Variants in XPO1 observed in about 807,000 individuals in gnomAD.
XPO1 encodes the protein exportin 1.
A neutral mutation model predicts 133.3 loss-of-function variants in XPO1; 5 were observed. That is an observed-to-expected ratio of 0.04 (90% confidence interval 0.02 to 0.08). The LOEUF (loss-of-function observed/expected upper bound fraction) is 0.08. XPO1 is among the 10% of genes least tolerant of loss of function. The pLI is 1.00. For synonymous variants in XPO1, 419 were observed against 408.2 expected (o/e 1.03, Z -0.32); for missense variants, 506 against 1,267.5 (o/e 0.40, Z 9.12).
At position 61,488,775 on chromosome 2, in the gene XPO1, G is replaced by A. The variant is rs1268620006; in HGVS notation, c.2023-4C>T. The A allele has an allele frequency of 2.5e-6, 4 of 1,609,822 alleles. No homozygotes were observed. In the East Asian group the frequency reaches 8.9e-5, roughly 36 times the overall value. ...GATCTTTCAGTATATCCACATTCTT[G>A]GAGGAAAAAAAGCAAATTCCATTTA... On this transcript the variant is annotated splice_polypyrimidine_tract_variant and splice_region_variant and intron_variant, in intron 17 of 24. Transcript: ENST00000401558.
chr2:61,525,868 G>C, intron 3 of XPO1: 1 of 1,046,006 alleles, frequency 9.6e-7, no homozygotes, highest in Non-Finnish European at 1.2e-6. Flanking sequence ...CTTTAAGGCA[G>C]TTTAAAGAGA....
At chr2:61,506,543 G>A (rs1325750845) in intron 4 of XPO1, among the ~76,000 whole-genome samples, 1 of 134,496 alleles carries the variant, frequency 7.4e-6, no homozygotes, top group Non-Finnish European at 1.5e-5. Flanking sequence ...AGGTTGCTCT[G>A]AGCCAAGATC....
rs1696177430 is a variant in XPO1, at chr2:61,478,644, T to C, written c.*176A>G. 2 of 637,164 alleles carry C rather than the reference T, an allele frequency of 3.1e-6. No individual in the cohort carries two copies. Among genetic ancestry groups the C allele is most frequent in the Admixed American group, 7.1e-5 (2 of 28,022 alleles). The allele number at this position is 637,164 out of a possible 1,614,324, so 39.5% of individuals were successfully genotyped here. The stretch of plus-strand genomic sequence containing the variant: ...AATAAAGATGACCAAAACAAAAGCT[T>C]AAACAATGGAAGGATATTTCACAGA... On this transcript the variant is annotated 3_prime_UTR_variant, in exon 25 of 25. Transcript: ENST00000401558.
intron 19 of XPO1, among the ~76,000 whole-genome samples, chr2:61,487,162 G>A (rs1696736139): frequency 6.6e-6 from 1 of 151,968 alleles, no homozygotes. Flanking sequence ...TTACAGGCAT[G>A]AGCCACCGTG....
At chr2:61,536,554 G>C (rs560060231) in intron 1 of XPO1, 2 of 152,372 alleles carry the variant, frequency 1.3e-5, no homozygotes, top group East Asian at 3.9e-4. Flanking sequence ...TGAAAAACAA[G>C]TCGCTACAAG....
chr2:61,516,352 C>T (rs1221313043), intron 4 of XPO1, among the ~76,000 whole-genome samples: 5 of 151,858 alleles, frequency 3.3e-5, no homozygotes, highest in Admixed American at 6.6e-5. Flanking sequence ...CTTGTAATTA[C>T]GATCTTTCCA....
intron 4 of XPO1, 47 bp from the exon 5 acceptor site, chr2:61,502,357 T>C (rs776771386): frequency 3.9e-6 from 6 of 1,545,524 alleles, no homozygotes; most frequent in Non-Finnish European, 5.3e-6. Flanking sequence ...AGCTCTTTTG[T>C]AGCATGCAAA....
At position 61,477,918 on chromosome 2, in the gene XPO1, G is replaced by T; in HGVS notation, c.*902C>A. On this transcript the variant is annotated 3_prime_UTR_variant, in exon 25 of 25. Transcript: ENST00000401558. ...CTATCATTAATATAGGAATAAATGA[G>T]TCAATAAAGGAAAAATAAATGTAAA... 1 of 218,870 alleles carries T rather than the reference G, an allele frequency of 4.6e-6. No individual in the cohort carries two copies. The allele number at this position is 218,870 out of a possible 1,614,324, so 13.6% of individuals were successfully genotyped here.
chr2:61,529,599 T>G (rs1573225647), intron 2 of XPO1, among the ~76,000 whole-genome samples: 1 of 151,714 alleles, frequency 6.6e-6, no homozygotes, highest in South Asian at 2.1e-4. Flanking sequence ...AAGGCGGAGG[T>G]TGCAGTGATT....
intron 22 of XPO1, 73 bp from the exon 23 acceptor site, chr2:61,482,612 G>GT (rs11360652): frequency 0.03 from 29,805 of 1,007,714 alleles, no homozygotes; most frequent in South Asian, 0.04. Context: ...TTTTTGTTTT[G>GT]TTTTTTTTTT....
In XPO1 at chr2:61,492,828, T is replaced by C; in HGVS notation, c.1385-80A>G. 1.9e-6 allele frequency: 3 copies of C among 1,559,930 alleles called. No homozygotes were observed. The highest frequency in any genetic ancestry group is 2.6e-6 in the Non-Finnish European group (3 of 1,152,044). ...AGTAACAATACATTTAGAAAATATT[T>C]AGAAACTACAAGTACATTTCCTAAA... On this transcript the variant is annotated intron_variant, in intron 13 of 24. Transcript: ENST00000401558. This position sits in a 1 kb window ranked among gnomAD's most constrained non-coding sequence, Gnocchi z 5.6.
At chr2:61,495,401 G>A in intron 11 of XPO1, 54 bp downstream of exon 11, 3 of 1,422,360 alleles carry the variant, frequency 2.1e-6, no homozygotes, top group South Asian at 3.3e-5. Flanking sequence ...GCACTTTTAA[G>A]AGTTATTAGT....
intron 2 of XPO1, 120 bp from the exon 3 acceptor site, chr2:61,526,641 T>C (rs956043182): frequency 3.0e-6 from 2 of 666,194 alleles, no homozygotes; most frequent in African/African-American, 1.9e-5. Flanking sequence ...ATTATTGATG[T>C]TCAGAAATAC....
At chr2:61,522,515 T>C (rs549341995) in intron 4 of XPO1, 96 bp downstream of exon 4, 1 of 1,088,944 alleles carries the variant, frequency 9.2e-7, no homozygotes, top group Non-Finnish European at 1.4e-6. Flanking sequence ...GAGCAAAATA[T>C]ACTAAAGATT....
intron 3 of XPO1, among the ~76,000 whole-genome samples, chr2:61,524,508 G>T (rs1311295257): frequency 1.3e-5 from 2 of 152,146 alleles, no homozygotes; most frequent in Non-Finnish European, 2.9e-5. Context: ...CCCAATAAAT[G>T]CTTTGCCCAG....
At chr2:61,522,795 T>G in intron 3 of XPO1, 112 bp from the exon 4 acceptor site, 1 of 755,232 alleles carries the variant, frequency 1.3e-6, no homozygotes, top group Admixed American at 2.4e-5. Flanking sequence ...TTCAAAAACA[T>G]TATGCTACCA....
rs1477972651 is a variant in XPO1, at chr2:61,499,755, C to A, written c.548G>T (p.Ser183Ile). ...AGATTTGACTTGGGTTATCTGTCCACTAGAGAAATCAAATACTTCTTCACT... is the reference window on the plus strand; with the variant it reads ...AGATTTGACTTGGGTTATCTGTCCAATAGAGAAATCAAATACTTCTTCACT... ...LLSEEVFDFS[S>I]GQITQVKSKH... The change falls in exon 7 of 25, where the codon AGT (serine) becomes ATT (isoleucine). Residue 183 changes from serine (S) to isoleucine (I), a missense_variant. Ser to Ile is a moderately radical substitution (Grantham distance 142). This residue lies in a region of XPO1 where 68 missense variants were observed against 210.5 expected (regional missense o/e 0.32). Coordinates refer to ENST00000401558, the MANE Select transcript of XPO1 (RefSeq NM_003400.4). 6.2e-7 allele frequency: 1 copy of A among 1,609,272 alleles called. No individual in the cohort carries two copies. Among genetic ancestry groups the A allele is most frequent in the South Asian group, 1.1e-5 (1 of 89,526 alleles).
chr2:61,523,973 A>G (rs1467551865), intron 3 of XPO1, among the ~76,000 whole-genome samples: 2 of 152,366 alleles, frequency 1.3e-5, no homozygotes, highest in African/African-American at 4.8e-5. Context: ...AATGTTTCAT[A>G]ATCAGCAGTA....
At chr2:61,518,393 A>C (rs7570830) in intron 4 of XPO1, among the ~76,000 whole-genome samples, 60,674 of 124,490 alleles carry the variant, frequency 0.49, 13,517 homozygotes, top group East Asian at 0.63. Context: ...TCTACTAAAA[A>C]AAAAAACAAA....
Sources: allele counts gnomAD v4.1 joint callset (sites outside exome capture counted in the v4.1 genomes callset), GRCh38; gene constraint gnomAD v4.1.1; regional missense constraint gnomAD v4.1.1; non-coding constraint Gnocchi (gnomAD v3.1); transcripts MANE v1.5; gene names NCBI Gene and HGNC (gene_info 2026-07-23, HGNC 2026-07-21).